Variants in PRRC2B observed in about 807,000 individuals in gnomAD.
PRRC2B encodes the protein proline rich coiled-coil 2B.
PRRC2B carries 68 observed loss-of-function variants against 242.3 expected under a neutral mutation model. The observed-to-expected ratio is 0.28, with a 90% CI of 0.23 to 0.34. The LOEUF is 0.34. Ranked by LOEUF, PRRC2B falls within the 10% of genes least tolerant of loss-of-function variation. The pLI is 1.00. For synonymous variants in PRRC2B, 1,228 were observed against 1,173.6 expected, an observed-to-expected ratio of 1.05 and a Z score of -0.95; for missense variants, 2,835 against 2,954.8, an observed-to-expected ratio of 0.96 and a Z score of 0.94.
intron 10 of PRRC2B, among the ~76,000 whole-genome samples, chr9:131,458,231 C>T (rs1025340306): frequency 6.6e-6 from 1 of 152,082 alleles, no homozygotes; most frequent in Non-Finnish European, 1.5e-5. Flanking sequence ...CTGGCTTGTG[C>T]AGAGCATAGG....
chr9:131,400,610 G>C (rs1837203374), intron 1 of PRRC2B, among the ~76,000 whole-genome samples: 1 of 152,102 alleles, frequency 6.6e-6, no homozygotes, highest in African/African-American at 2.4e-5. Flanking sequence ...GAGCCACCGT[G>C]CCTGGACACC....
intron 1 of PRRC2B, among the ~76,000 whole-genome samples, chr9:131,420,490 T>G (rs544905690): frequency 0.034 from 709 of 20,984 alleles, 74 homozygotes; most frequent in African/African-American, 0.083. Context: ...TCTTTCTTTC[T>G]TTCTTTTTTT....
chr9:131,491,237 A>T (rs1432299827), intron 28 of PRRC2B, 188 bp from the exon 29 acceptor site: 2 of 558,522 alleles, frequency 3.6e-6, no homozygotes, highest in Non-Finnish European at 6.0e-6. Flanking sequence ...CTGCCATCGA[A>T]GGTGTGAAAT....
At chr9:131,425,180 T>C (rs1478469565) in intron 1 of PRRC2B, among the ~76,000 whole-genome samples, 1 of 152,042 alleles carries the variant, frequency 6.6e-6, no homozygotes, top group African/African-American at 2.4e-5. Context: ...TAGACGGGGT[T>C]TCACCATGTT....
At chr9:131,380,293 TGGGCAC>T (rs112613195) in intron 1 of PRRC2B, among the ~76,000 whole-genome samples, 149,673 of 151,692 alleles carry the variant, frequency 0.99, 73,880 homozygotes, top group East Asian at 1. Context: ...GTTCTTAAGC[TGGGCAC>T]GGGCACGGTG....
chr9:131,400,078 CTCTT>C (rs1837187929), intron 1 of PRRC2B, among the ~76,000 whole-genome samples: 1 of 152,004 alleles, frequency 6.6e-6, no homozygotes, highest in African/African-American at 2.4e-5. Context: ...CCAAGGCAGT[CTCTT>C]TCTTAGTTTT....
chr9:131,444,558 C>A (rs1838725257), intron 6 of PRRC2B, among the ~76,000 whole-genome samples: 1 of 152,144 alleles, frequency 6.6e-6, no homozygotes, highest in African/African-American at 2.4e-5. Flanking sequence ...TGTCCCCTCC[C>A]CCTCTGTCAT....
At chr9:131,481,948 G>C (rs1010076935) in intron 20 of PRRC2B, 140 bp downstream of exon 20, 2 of 767,006 alleles carry the variant, frequency 2.6e-6, no homozygotes, top group South Asian at 3.1e-5. Context: ...TTTCCATGGG[G>C]CCAAGCTCAT....
At position 131,436,695 on chromosome 9, in the gene PRRC2B, G is replaced by C. The variant is rs1411544285; in HGVS notation, c.369G>C (p.Gln123His). Residue 123 changes from glutamine (Q) to histidine (H), a missense_variant, in exon 4 of 32, where the codon CAG (glutamine) becomes CAC (histidine). This residue lies in a region of PRRC2B where 626 missense variants were observed against 685.5 expected (regional missense o/e 0.91). Coordinates refer to ENST00000683519, the MANE Select transcript of PRRC2B (RefSeq NM_013318.4). ...PGLQKSVSNL[Q>H]KPTQSISQEN... Reference sequence around the variant, plus strand: ...TGCAGAAATCTGTCTCCAATTTGCAGAAACCGACACAGTCAATCAGTCAGG... The same window carrying C: ...TGCAGAAATCTGTCTCCAATTTGCACAAACCGACACAGTCAATCAGTCAGG... 1.2e-6 allele frequency: 2 copies of C among 1,614,048 alleles called. No homozygotes were observed. Among genetic ancestry groups the C allele is most frequent in the South Asian group, 2.2e-5 (2 of 91,082 alleles).
intron 3 of PRRC2B, among the ~76,000 whole-genome samples, chr9:131,435,547 A>G (rs1046628554): frequency 6.6e-6 from 1 of 151,778 alleles, no homozygotes. Flanking sequence ...CCTGGGAGAA[A>G]GAGGTTGCAG....
intron 18 of PRRC2B, 65 bp from the exon 19 acceptor site, chr9:131,479,187 T>A: frequency 6.5e-7 from 1 of 1,546,426 alleles, no homozygotes. Flanking sequence ...GGGATACTTA[T>A]CCTGGGGAGA....
chr9:131,388,593 G>T (rs1192893217), intron 1 of PRRC2B, among the ~76,000 whole-genome samples: 1 of 149,790 alleles, frequency 6.7e-6, no homozygotes, highest in African/African-American at 2.4e-5. Context: ...CACCAGGCTG[G>T]AGTGCAGTGG....
At chr9:131,437,276 G>C (rs895129504) in intron 4 of PRRC2B, among the ~76,000 whole-genome samples, 1 of 152,164 alleles carries the variant, frequency 6.6e-6, no homozygotes, top group Non-Finnish European at 1.5e-5. Context: ...TTTCTTTACC[G>C]AATGTCTCTA....
intron 1 of PRRC2B, among the ~76,000 whole-genome samples, chr9:131,414,638 T>C (rs1250638482): frequency 6.6e-6 from 1 of 150,856 alleles, no homozygotes; most frequent in Non-Finnish European, 1.5e-5. Context: ...TGGCCTGATC[T>C]TGGCTCACTG....
rs182203388 is a variant in PRRC2B, at chr9:131,382,599, C to T, written c.-56+8868C>T. Among the ~76,000 whole-genome samples the T allele has an allele frequency of 4.3e-3, 654 of 151,794 alleles. 7 individuals are homozygous for T. The highest frequency in any genetic ancestry group is 6.1e-3 in the Non-Finnish European group (412 of 67,950). ...GTGCAAGGGCCCCCTGCTGCTGGTTCGTTCGGACCCAGTGTTGTATTTTTA... is the reference window on the plus strand; with the variant it reads ...GTGCAAGGGCCCCCTGCTGCTGGTTTGTTCGGACCCAGTGTTGTATTTTTA... On this transcript the variant is annotated intron_variant, in intron 1 of 1. Coordinates refer to the PRRC2B transcript ENST00000682525.
At chr9:131,443,136 ATTATTT>A (rs1838663707) in intron 5 of PRRC2B, among the ~76,000 whole-genome samples, 1 of 83,626 alleles carries the variant, frequency 1.2e-5, no homozygotes, top group African/African-American at 3.6e-5. Flanking sequence ...ATTTTATTTT[ATTATTT>A]TTTTTTTTTG....
In PRRC2B at chr9:131,468,268, A is replaced by G. The variant is rs1053508467; in HGVS notation, c.1911+515A>G. Among the ~76,000 whole-genome samples, 11 of 152,114 alleles carry G rather than the reference A, an allele frequency of 7.2e-5. No individual in the cohort carries two copies. In the East Asian group the frequency reaches 7.7e-4, roughly 11 times the overall value. On this transcript the variant is annotated intron_variant, in intron 13 of 31. Coordinates refer to ENST00000683519, the MANE Select transcript of PRRC2B (RefSeq NM_013318.4). ...TTCAAGTTGGACAGCTCCCTTCCTG[A>G]TGTTGCTGCTGAACTAGTTGTGCAT...
In PRRC2B at chr9:131,430,561, ATG is replaced by A. The variant is rs200517031; in HGVS notation, c.115+336_115+337del. Among the ~76,000 whole-genome samples, 480 of 118,808 alleles carry A rather than the reference ATG, an allele frequency of 4.0e-3. 3 individuals are homozygous for A. Among genetic ancestry groups the A allele is most frequent in the African/African-American group, 0.01 (318 of 31,218 alleles). 77.9% of individuals were successfully genotyped at this position (118,808 alleles called of 152,430 possible). A position where few individuals can be genotyped will look rare whatever the true frequency, so the allele number is the denominator to read the frequency against. The stretch of plus-strand genomic sequence containing the variant: ...TATAGATATCTATAGGTGTGTGTGT[ATG>A]TGTGTGTGTGTGTGTGTGTGTGTGT... On this transcript the variant is annotated intron_variant, in intron 2 of 31. Coordinates refer to ENST00000683519, the MANE Select transcript of PRRC2B (RefSeq NM_013318.4).
At chr9:131,486,334 G>A in intron 26 of PRRC2B, 152 bp downstream of exon 26, 2 of 397,946 alleles carry the variant, frequency 5.0e-6, no homozygotes, top group South Asian at 2.1e-4. Context: ...ACGGCAGCCA[G>A]GAGGCATTTG....
Sources: gnomAD v4.1 joint callset for allele counts (sites outside exome capture counted in the v4.1 genomes callset) on GRCh38, gnomAD v4.1.1 for gene constraint, gnomAD v4.1.1 regional missense constraint, MANE v1.5 for transcripts, NCBI Gene and HGNC (gene_info 2026-07-23, HGNC 2026-07-21) for gene names.